FAXC: variants seen among roughly 807,000 people sequenced by gnomAD.
FAXC encodes the protein failed axon connections homolog, metaxin like GST domain containing, also known as failed axon connections homolog.
FAXC carries 10 observed loss-of-function variants against 41.9 expected under a neutral mutation model. The ratio of observed to expected loss-of-function variants is 0.24; its 90% CI spans 0.15 to 0.41. FAXC has a LOEUF of 0.41. FAXC is among the 10% of genes least tolerant of loss of function. The pLI is 1.00. For missense variants in FAXC, 399 were observed against 510.9 expected (o/e 0.78, Z 2.11); for synonymous variants, 183 against 183.8 (o/e 1.00, Z 0.03).
In FAXC at chr6:99,290,423, C is replaced by T. The variant is rs182430641; in HGVS notation, c.940+1281G>A. Among the ~76,000 whole-genome samples, 41 of 152,142 alleles carry T rather than the reference C, an allele frequency of 2.7e-4. 1 individual carries two copies. The highest frequency in any genetic ancestry group is 8.7e-4 in the African/African-American group (36 of 41,520). On this transcript the variant is annotated intron_variant, in intron 5 of 5. Transcript: ENST00000389677. ...TAACATAAATAATACTTTGGGCGGCCGGGCGTGGTGGCTCATGCCTGTAAT... is the reference window on the plus strand; with the variant it reads ...TAACATAAATAATACTTTGGGCGGCTGGGCGTGGTGGCTCATGCCTGTAAT...
At chr6:99,330,391 A>T (rs1291758532) in intron 3 of FAXC, among the ~76,000 whole-genome samples, 1 of 152,178 alleles carries the variant, frequency 6.6e-6, no homozygotes, top group Non-Finnish European at 1.5e-5. Flanking sequence ...TTATGTATTC[A>T]GTACAACAAA....
chr6:99,349,175 G>C lies in FAXC; in HGVS notation c.198C>G (p.Thr66=). The C allele has an allele frequency of 1.2e-6, 2 of 1,613,862 alleles. No homozygotes were observed. The highest frequency in any genetic ancestry group is 2.2e-5 in the South Asian group (2 of 91,086). ...GLGSDPWWKK[T]LYLTGGALLA... ...GCAAAGCTCCCCCGGTCAAGTAAAG[G>C]GTTTTCTTCCACCAGGGATCGGAGC... is the stretch of plus-strand genomic sequence containing the variant. Residue 66 remains threonine (T), a synonymous_variant, in exon 1 of 6, where the codon ACC becomes ACG. Coordinates refer to ENST00000389677, the MANE Select transcript of FAXC (RefSeq NM_032511.4).
At chr6:99,292,478 C>G (rs916985509) in intron 4 of FAXC, among the ~76,000 whole-genome samples, 2 of 152,182 alleles carry the variant, frequency 1.3e-5, no homozygotes, top group Non-Finnish European at 2.9e-5. Context: ...TGACTTCATC[C>G]AGGCCTTGTC....
chr6:99,307,002 G>A (rs1771948679), intron 4 of FAXC, among the ~76,000 whole-genome samples: 1 of 152,168 alleles, frequency 6.6e-6, no homozygotes, highest in African/African-American at 2.4e-5. Flanking sequence ...AGAGGAGAAA[G>A]CCTGTCCTTT....
At chr6:99,294,506 G>C (rs1013545044) in intron 4 of FAXC, among the ~76,000 whole-genome samples, 3 of 152,210 alleles carry the variant, frequency 2.0e-5, no homozygotes, top group Non-Finnish European at 2.9e-5. Flanking sequence ...TGGAAGCCAT[G>C]AGAGGGCTTC....
At chr6:99,324,211 A>G (rs1363758743) in intron 3 of FAXC, among the ~76,000 whole-genome samples, 1 of 152,112 alleles carries the variant, frequency 6.6e-6, no homozygotes, top group African/African-American at 2.4e-5. Context: ...AAAAAAAAGA[A>G]AAATTTCTGA....
At position 99,271,540 on chromosome 6, in the gene FAXC, CAA is replaced by C. The variant is rs942078723; in HGVS notation, c.*9622_*9623del. 25 of 152,284 alleles carry C rather than the reference CAA, an allele frequency of 1.6e-4. No individual in the cohort carries two copies. In the East Asian group the frequency reaches 2.9e-3, roughly 18 times the overall value. The allele number at this position is 152,284 out of a possible 1,614,324, so 9.4% of individuals were successfully genotyped here. On this transcript the variant is annotated 3_prime_UTR_variant, in exon 6 of 6. Transcript: ENST00000389677. ...ACTTTTTGAGCACTAACATGACACT[CAA>C]AGGAAACGGACATTGGATCATTTCA...
intron 4 of FAXC, among the ~76,000 whole-genome samples, chr6:99,317,220 G>A (rs1186559107): frequency 6.6e-6 from 1 of 151,622 alleles, no homozygotes; most frequent in Non-Finnish European, 1.5e-5. Flanking sequence ...TTACCACTTC[G>A]CTCTTTCAGA....
intron 4 of FAXC, among the ~76,000 whole-genome samples, chr6:99,294,423 C>T (rs1279104053): frequency 6.6e-6 from 1 of 152,190 alleles, no homozygotes; most frequent in Non-Finnish European, 1.5e-5. Context: ...GGCCAGGTGG[C>T]CAAACAGTCC....
chr6:99,316,567 C>G (rs1341064158), intron 4 of FAXC, among the ~76,000 whole-genome samples: 1 of 152,218 alleles, frequency 6.6e-6, no homozygotes, highest in Non-Finnish European at 1.5e-5. Flanking sequence ...TTACCTTTCC[C>G]TCAACACATG....
At chr6:99,293,526 A>T (rs1217025254) in intron 4 of FAXC, among the ~76,000 whole-genome samples, 2 of 152,214 alleles carry the variant, frequency 1.3e-5, no homozygotes, top group East Asian at 3.8e-4. Context: ...ACTTTAAGGC[A>T]TTTAATGCCT....
chr6:99,296,734 A>C (rs1771513294), intron 4 of FAXC, among the ~76,000 whole-genome samples: 1 of 152,158 alleles, frequency 6.6e-6, no homozygotes, highest in African/African-American at 2.4e-5. Flanking sequence ...ATCAGAGAGC[A>C]CAGACCAGGG....
intron 4 of FAXC, among the ~76,000 whole-genome samples, chr6:99,303,999 C>T (rs1771817083): frequency 1.3e-5 from 2 of 152,128 alleles, no homozygotes; most frequent in African/African-American, 4.8e-5. Flanking sequence ...AAAACACGGT[C>T]GGCCGGGTGT....
intron 3 of FAXC, among the ~76,000 whole-genome samples, chr6:99,325,070 T>C (rs1053408012): frequency 1.3e-5 from 2 of 150,432 alleles, no homozygotes; most frequent in Non-Finnish European, 1.5e-5. Context: ...AATTGGAAAG[T>C]GTCAGAGCCA....
Position 99,349,232 on chromosome 6 carries a change from C to A in FAXC, c.141G>T (p.Leu47Phe), listed in dbSNP as rs750311518. 1 of 1,613,964 alleles carries A rather than the reference C, an allele frequency of 6.2e-7. No homozygotes were observed. Among genetic ancestry groups the A allele is most frequent in the Non-Finnish European group, 8.5e-7 (1 of 1,180,024 alleles). ...CTGCCATGATCCCACCGTAATCCTG[C>A]AAAGGGAAAGCGATGATGTCCCCAT... ...SFYGDIIAFPLQDYGGIMAGL... is the reference protein window; with the variant it reads ...SFYGDIIAFPFQDYGGIMAGL... The change falls in exon 1 of 6, where the codon TTG becomes TTT. Residue 47 changes from leucine (L) to phenylalanine (F), a missense_variant. Coordinates refer to ENST00000389677, the MANE Select transcript of FAXC (RefSeq NM_032511.4).
intron 4 of FAXC, among the ~76,000 whole-genome samples, chr6:99,320,719 C>G (rs749113245): frequency 5.9e-5 from 9 of 152,174 alleles, no homozygotes; most frequent in Non-Finnish European, 1.3e-4. Context: ...AACCATGATT[C>G]CCAAATGCCA....
Position 99,289,873 on chromosome 6 carries a change from T to C in FAXC, c.940+1831A>G, listed in dbSNP as rs539322385. Reference sequence around the variant, plus strand: ...ACACAGCACACTATACAGTATCAGTTATTTACCCTCATGATTATATGGCTG... The same window carrying C: ...ACACAGCACACTATACAGTATCAGTCATTTACCCTCATGATTATATGGCTG... On this transcript the variant is annotated intron_variant, in intron 5 of 5. Transcript: ENST00000389677. Among the ~76,000 whole-genome samples the C allele has an allele frequency of 2.0e-5, 3 of 152,158 alleles. No homozygotes were observed. The South Asian group carries it at 6.2e-4, about 32-fold the overall frequency.
At chr6:99,312,044 A>C (rs111643498) in intron 4 of FAXC, among the ~76,000 whole-genome samples, 3,047 of 152,212 alleles carry the variant, frequency 0.02, 73 homozygotes, top group African/African-American at 0.061. Flanking sequence ...CTGGAAACAC[A>C]CTAGTTTGGC....
intron 4 of FAXC, among the ~76,000 whole-genome samples, chr6:99,322,348 G>A (rs1446431851): frequency 6.6e-6 from 1 of 152,196 alleles, no homozygotes; most frequent in Non-Finnish European, 1.5e-5. Flanking sequence ...TGCAGTCAGA[G>A]TGGGTCACTC....
Sources: allele counts gnomAD v4.1 joint callset (sites outside exome capture counted in the v4.1 genomes callset), GRCh38; gene constraint gnomAD v4.1.1; transcripts MANE v1.5; gene names NCBI Gene and HGNC (gene_info 2026-07-23, HGNC 2026-07-21).